Variants in KCNQ1 observed in about 807,000 individuals in gnomAD.
KCNQ1 encodes potassium voltage-gated channel subfamily KQT member 1.
KCNQ1 carries 49 observed loss-of-function variants against 72.4 expected under a neutral mutation model. The observed-to-expected ratio is 0.68, with a 90% CI of 0.54 to 0.86. The LOEUF (loss-of-function observed/expected upper bound fraction) is 0.86, where lower values mean the gene tolerates loss of function less well. Ranked by LOEUF, KCNQ1 falls within the 40% of genes least tolerant of loss-of-function variation. KCNQ1 has a pLI of 0.00. For missense variants in KCNQ1, 790 were observed against 945.1 expected (o/e 0.84, Z 2.15); for synonymous variants, 450 against 412.6 (o/e 1.09, Z -1.10).
chr11:2,588,718 GA>G lies in KCNQ1; in HGVS notation c.1265del (p.Lys422SerfsTer10), dbSNP rs397508083. On this transcript the variant is annotated frameshift_variant, in exon 10 of 16. Transcript: ENST00000155840. LOFTEE classifies it high-confidence loss of function. The surrounding 1 kb of genome is among the most constrained non-coding windows in gnomAD (Gnocchi z 5.6). ...TGTTGTCTTGTTTTTTTTAGGTAAA[GA>G]AAAAAAAGTTCAAGCTGGACAAAGA... ...PKPKKSVVVK[K>X]KKFKLDKDNG... is the part of the protein sequence containing the mutation. 14 of 1,613,158 alleles carry G rather than the reference GA, an allele frequency of 8.7e-6. No individual in the cohort carries two copies. The highest frequency in any genetic ancestry group is 2.7e-5 in the African/African-American group (2 of 74,844).
At position 2,614,161 on chromosome 11, in the gene KCNQ1, G is replaced by A. The variant is rs142175190; in HGVS notation, c.1393+25307G>A. The A allele has an allele frequency of 2.9e-4, 115 of 398,372 alleles. No homozygotes were observed. In the South Asian group the frequency reaches 3.1e-3, roughly 11 times the overall value. The allele number at this position is 398,372 out of a possible 1,614,324, so 24.7% of individuals were successfully genotyped here. ...CTGAGATACATCTACTCCATAAATC[G>A]AATCTACCCCCAAGAGGTGATTCTC... is the stretch of plus-strand genomic sequence containing the variant. On this transcript the variant is annotated intron_variant, in intron 10 of 15. Coordinates refer to ENST00000155840, the MANE Select transcript of KCNQ1 (RefSeq NM_000218.3).
chr11:2,681,885 G>A (rs1310448154), intron 11 of KCNQ1: 21 of 398,342 alleles, frequency 5.3e-5, no homozygotes, highest in Non-Finnish European at 8.0e-5. Flanking sequence ...ATCTAGGTGG[G>A]GAGAAAACAC....
chr11:2,762,901 A>G lies in KCNQ1; in HGVS notation c.1515-5943A>G, dbSNP rs1314156004. 2.7e-5 allele frequency among the ~76,000 whole-genome samples: 4 copies of G among 149,530 alleles called. No individual in the cohort carries two copies. In the East Asian group the frequency reaches 7.9e-4, roughly 29 times the overall value. On this transcript the variant is annotated intron_variant, in intron 11 of 15. Coordinates refer to ENST00000155840, the MANE Select transcript of KCNQ1 (RefSeq NM_000218.3). The surrounding 1 kb of genome is among the most constrained non-coding windows in gnomAD (Gnocchi z 4.3). ...CACTGCCCTATTCCGTCAGACCCCC[A>G]CTGTTCATCTGTCTGCCCACACGCT...
chr11:2,722,046 C>T (rs1851211972), intron 11 of KCNQ1, among the ~76,000 whole-genome samples: 1 of 152,180 alleles, frequency 6.6e-6, no homozygotes, highest in African/African-American at 2.4e-5. Context: ...TTGGTGGCCG[C>T]CTCACCTCCA....
intron 10 of KCNQ1, chr11:2,631,317 T>C (rs1849349232): frequency 2.5e-6 from 1 of 398,584 alleles, no homozygotes; most frequent in African/African-American, 2.1e-5. Context: ...TTTCAAATAA[T>C]TTATCCTCCA....
rs1177031996 is a variant in KCNQ1, at chr11:2,818,962, C to T, written c.1795-28805C>T. Reference sequence around the variant, plus strand: ...ATCCCACCCTCCAGCATTACCCAGCCCCACAGGACCCACATCCTGCTCCCA... The same window carrying T: ...ATCCCACCCTCCAGCATTACCCAGCTCCACAGGACCCACATCCTGCTCCCA... On this transcript the variant is annotated intron_variant, in intron 15 of 15. Transcript: ENST00000155840. The surrounding 1 kb of genome is among the most constrained non-coding windows in gnomAD (Gnocchi z 7.2). Among the ~76,000 whole-genome samples, 2 of 152,150 alleles carry T rather than the reference C, an allele frequency of 1.3e-5. No homozygotes were observed. Among genetic ancestry groups the T allele is most frequent in the Non-Finnish European group, 2.9e-5 (2 of 68,022 alleles).
intron 11 of KCNQ1, chr11:2,680,049 A>G: frequency 2.5e-6 from 1 of 395,842 alleles, no homozygotes; most frequent in Non-Finnish European, 4.4e-6. Context: ...ATCTGCCACC[A>G]TGACTGGCTA....
rs541449860 is a variant in KCNQ1 at position 2,724,317 on chromosome 11, G to C, written c.1515-44527G>C. Among the ~76,000 whole-genome samples, 1 of 152,168 alleles carries C rather than the reference G, an allele frequency of 6.6e-6. No homozygotes were observed. The highest frequency in any genetic ancestry group is 1.5e-5 in the Non-Finnish European group (1 of 68,032). ...GAGCCCTCCCGCTCCACCAGGTGAC[G>C]GCCCTAAATCCTCAGGAGTGACAGC... On this transcript the variant is annotated intron_variant, in intron 11 of 15. Coordinates refer to ENST00000155840, the MANE Select transcript of KCNQ1 (RefSeq NM_000218.3). The surrounding 1 kb of genome is among the most constrained non-coding windows in gnomAD (Gnocchi z 6.8).
At chr11:2,630,809 G>A (rs1386778593) in intron 10 of KCNQ1, 3 of 398,342 alleles carry the variant, frequency 7.5e-6, no homozygotes, top group Admixed American at 8.8e-5. Context: ...ACCTGAGGAA[G>A]TCTTGTATCT....
At chr11:2,648,704 C>T in intron 10 of KCNQ1, 1 of 398,386 alleles carries the variant, frequency 2.5e-6, no homozygotes. Flanking sequence ...ATGGTATATC[C>T]TGGAGAATGT....
intron 13 of KCNQ1, among the ~76,000 whole-genome samples, chr11:2,776,447 C>T (rs1268729367): frequency 6.6e-6 from 1 of 152,200 alleles, no homozygotes; most frequent in East Asian, 1.9e-4. Flanking sequence ...AGGGGCCAGG[C>T]CCAGCCCTGG....
At chr11:2,739,789 C>T (rs1846020688) in intron 11 of KCNQ1, among the ~76,000 whole-genome samples, 1 of 152,200 alleles carries the variant, frequency 6.6e-6, no homozygotes, top group Non-Finnish European at 1.5e-5. Flanking sequence ...GCCAAGTTGA[C>T]CGTGTCCAGG....
At chr11:2,755,597 C>T (rs987072927) in intron 11 of KCNQ1, among the ~76,000 whole-genome samples, 3 of 152,194 alleles carry the variant, frequency 2.0e-5, no homozygotes, top group Non-Finnish European at 4.4e-5. Context: ...TAATTGGGCC[C>T]ACCTGGACAA....
At chr11:2,640,456 C>A in intron 10 of KCNQ1, 1 of 398,370 alleles carries the variant, frequency 2.5e-6, no homozygotes, top group Non-Finnish European at 4.4e-6. Context: ...TGGATAACTT[C>A]TTAATTTTTT....
Position 2,515,112 on chromosome 11 carries a change from C to T in KCNQ1, c.387-12816C>T, listed in dbSNP as rs531990974. On this transcript the variant is annotated intron_variant, in intron 1 of 15. Coordinates refer to ENST00000155840, the MANE Select transcript of KCNQ1 (RefSeq NM_000218.3). This position sits in a 1 kb window ranked among gnomAD's most constrained non-coding sequence, Gnocchi z 4.7. ...AATGGTGGGGTTTGGGCTTCTCGTG[C>T]GCCCATCAGCCGGATATTGGACGTT... 7.9e-5 allele frequency among the ~76,000 whole-genome samples: 12 copies of T among 152,264 alleles called. No individual in the cohort carries two copies. Among genetic ancestry groups the T allele is most frequent in the South Asian group, 2.1e-4 (1 of 4,820 alleles).
chr11:2,726,367 G>A (rs1255800841), intron 11 of KCNQ1, among the ~76,000 whole-genome samples: 9 of 152,230 alleles, frequency 5.9e-5, no homozygotes, highest in Admixed American at 3.9e-4. Context: ...GATCACAGAC[G>A]GTGTGTCGAG....
chr11:2,544,406 GTGTATA>G lies in KCNQ1; in HGVS notation c.477+16390_477+16395del, dbSNP rs1847876732. 6.7e-6 allele frequency among the ~76,000 whole-genome samples: 1 copy of G among 148,918 alleles called. No homozygotes were observed. Among genetic ancestry groups the G allele is most frequent in the African/African-American group, 2.5e-5 (1 of 40,558 alleles). ...TGTGCATATATGTGTATATATGTGTGTGTATATATATATATGGTTACATACCTAATA... is the reference window on the plus strand; with the variant it reads ...TGTGCATATATGTGTATATATGTGTGTATATATATGGTTACATACCTAATA... On this transcript the variant is annotated intron_variant, in intron 2 of 15. Coordinates refer to ENST00000155840, the MANE Select transcript of KCNQ1 (RefSeq NM_000218.3). This position sits in a 1 kb window ranked among gnomAD's most constrained non-coding sequence, Gnocchi z 4.4.
At chr11:2,587,466 G>C (rs1848607560) in intron 8 of KCNQ1, 104 bp from the exon 9 acceptor site, 1 of 1,532,588 alleles carries the variant, frequency 6.5e-7, no homozygotes, top group African/African-American at 1.4e-5. Context: ...CACCCAGAGG[G>C]GAGGGGCCAG....
rs916773726 is a variant in KCNQ1 at position 2,734,861 on chromosome 11, G to A, written c.1515-33983G>A. 1.3e-5 allele frequency among the ~76,000 whole-genome samples: 2 copies of A among 152,030 alleles called. No individual in the cohort carries two copies. The highest frequency in any genetic ancestry group is 2.4e-5 in the African/African-American group (1 of 41,412). ...GGATGACCTCCTGTGCTGGGGCCTGGCTGTGGCTTCCCAGGCCCCGGCTGG... is the reference window on the plus strand; with the variant it reads ...GGATGACCTCCTGTGCTGGGGCCTGACTGTGGCTTCCCAGGCCCCGGCTGG... On this transcript the variant is annotated intron_variant, in intron 11 of 15. Coordinates refer to ENST00000155840, the MANE Select transcript of KCNQ1 (RefSeq NM_000218.3). The surrounding 1 kb of genome is among the most constrained non-coding windows in gnomAD (Gnocchi z 7.0).
Sources: gnomAD v4.1 joint callset for allele counts (sites outside exome capture counted in the v4.1 genomes callset) on GRCh38, gnomAD v4.1.1 for gene constraint, Gnocchi (gnomAD v3.1) non-coding constraint, MANE v1.5 for transcripts, NCBI Gene and HGNC (gene_info 2026-07-23, HGNC 2026-07-21) for gene names.